QKI: variants seen among roughly 807,000 people sequenced by gnomAD.
QKI encodes the protein QKI, KH domain containing RNA binding.
Under a neutral mutation model 39.0 loss-of-function variants are expected in QKI, and 10 were observed. The ratio of observed to expected loss-of-function variants is 0.26; its 90% CI spans 0.16 to 0.43. QKI has a LOEUF of 0.43. QKI is among the 20% of genes least tolerant of loss of function. The pLI is 1.00. For missense variants in QKI, 218 were observed against 428.0 expected, an observed-to-expected ratio of 0.51 and a Z score of 4.33; for synonymous variants, 204 against 155.4, an observed-to-expected ratio of 1.31 and a Z score of -2.33.
chr6:163,560,875 A>G (rs1240364782), intron 4 of QKI, among the ~76,000 whole-genome samples: 1 of 152,230 alleles, frequency 6.6e-6, no homozygotes, highest in Non-Finnish European at 1.5e-5. Context: ...TGCCAAAAAC[A>G]ACTGGAACAG....
intron 1 of QKI, among the ~76,000 whole-genome samples, chr6:163,438,512 G>A (rs1789487618): frequency 6.6e-6 from 1 of 152,130 alleles, no homozygotes; most frequent in Non-Finnish European, 1.5e-5. Context: ...TCAGCTGTAT[G>A]GTATAGCCTT....
At chr6:163,526,778 T>G (rs1264761130) in intron 3 of QKI, among the ~76,000 whole-genome samples, 1 of 152,208 alleles carries the variant, frequency 6.6e-6, no homozygotes, top group East Asian at 1.9e-4. Context: ...TAAAAGCAGC[T>G]CATATCTAGA....
At chr6:163,515,878 A>G (rs1031769467) in intron 3 of QKI, among the ~76,000 whole-genome samples, 10 of 152,196 alleles carry the variant, frequency 6.6e-5, no homozygotes, top group African/African-American at 2.4e-4. Flanking sequence ...TATGTAATCA[A>G]AGCTTTTCAC....
rs909412745 is a variant in QKI at position 163,574,299 on chromosome 6, T to C, written c.*3589T>C. The C allele has an allele frequency of 1.3e-5, 2 of 152,194 alleles. No homozygotes were observed. Among genetic ancestry groups the C allele is most frequent in the African/African-American group, 4.8e-5 (2 of 41,452 alleles). The allele number at this position is 152,194 out of a possible 1,614,324, so 9.4% of individuals were successfully genotyped here. A position where few individuals can be genotyped will look rare whatever the true frequency, so the allele number is the denominator to read the frequency against. On this transcript the variant is annotated 3_prime_UTR_variant, in exon 8 of 8. Transcript: ENST00000361752. ...TTGTAAAGCAGAGAAACTGTTGATATTTTACCTTTATTTAGATTTTTGTTT... is the reference window on the plus strand; with the variant it reads ...TTGTAAAGCAGAGAAACTGTTGATACTTTACCTTTATTTAGATTTTTGTTT...
intron 3 of QKI, among the ~76,000 whole-genome samples, chr6:163,527,851 G>A (rs1478107397): frequency 6.6e-6 from 1 of 152,048 alleles, no homozygotes; most frequent in East Asian, 1.9e-4. Context: ...TTGGAAATAC[G>A]CATTGTATAT....
intron 2 of QKI, among the ~76,000 whole-genome samples, chr6:163,456,739 A>T (rs1468586583): frequency 2.0e-5 from 3 of 152,052 alleles, no homozygotes; most frequent in Non-Finnish European, 4.4e-5. Context: ...GGAAAAGAGG[A>T]GTTGGTTGGA....
Position 163,415,074 on chromosome 6 carries a change from C to T in QKI, c.-120C>T. On this transcript the variant is annotated 5_prime_UTR_variant, in exon 1 of 8. Coordinates refer to ENST00000361752, the MANE Select transcript of QKI (RefSeq NM_006775.3). ...TCGGCGCGGGAGCCAGAGCGGGAGC[C>T]GGCGCGGAGCGGGACGCCGGGTCCC... The T allele has an allele frequency of 1.1e-6, 1 of 940,476 alleles. No homozygotes were observed. The highest frequency in any genetic ancestry group is 1.3e-6 in the Non-Finnish European group (1 of 790,762). 58.3% of individuals were successfully genotyped at this position (940,476 alleles called of 1,614,324 possible).
At chr6:163,476,146 G>A (rs1239295880) in intron 2 of QKI, among the ~76,000 whole-genome samples, 1 of 151,992 alleles carries the variant, frequency 6.6e-6, no homozygotes, top group Non-Finnish European at 1.5e-5. Flanking sequence ...ACATACACTA[G>A]AATGGTTAAA....
intron 4 of QKI, among the ~76,000 whole-genome samples, chr6:163,546,842 C>G (rs894153502): frequency 6.6e-6 from 1 of 151,776 alleles, no homozygotes; most frequent in Non-Finnish European, 1.5e-5. Context: ...TCACAAGGCT[C>G]CTTTATGGGA....
At chr6:163,490,263 T>TA (rs1000668420) in intron 3 of QKI, among the ~76,000 whole-genome samples, 2 of 152,210 alleles carry the variant, frequency 1.3e-5, no homozygotes, top group Non-Finnish European at 1.5e-5. Flanking sequence ...AAATGACTGT[T>TA]AGTCAGTTTT....
intron 3 of QKI, among the ~76,000 whole-genome samples, chr6:163,508,189 G>A (rs918581976): frequency 3.3e-5 from 5 of 152,042 alleles, no homozygotes; most frequent in African/African-American, 1.2e-4. Context: ...CTTAGAAAAA[G>A]AGGGTAAATA....
chr6:163,491,356 C>T (rs1006240623), intron 3 of QKI, among the ~76,000 whole-genome samples: 5 of 152,194 alleles, frequency 3.3e-5, no homozygotes, highest in African/African-American at 1.2e-4. Context: ...GTAGGCTGCA[C>T]TTCCGGCCGC....
chr6:163,415,439 C>A, intron 1 of QKI, 104 bp downstream of exon 1: 1 of 1,186,780 alleles, frequency 8.4e-7, no homozygotes, highest in Non-Finnish European at 1.1e-6. Context: ...CCGGGCGGGA[C>A]CGAGCGCCGG....
At chr6:163,485,683 A>G (rs1315363359) in intron 3 of QKI, among the ~76,000 whole-genome samples, 2 of 152,122 alleles carry the variant, frequency 1.3e-5, no homozygotes, top group African/African-American at 4.8e-5. Flanking sequence ...GGTGAAATGT[A>G]TGCAGTTTAT....
chr6:163,427,208 A>AT (rs761914286), intron 1 of QKI, among the ~76,000 whole-genome samples: 1 of 118,384 alleles, frequency 8.4e-6, no homozygotes, highest in Non-Finnish European at 1.8e-5. Context: ...TTTCAATTCA[A>AT]TTTTTTAACG....
chr6:163,434,896 A>G (rs1789128985), intron 1 of QKI, among the ~76,000 whole-genome samples: 1 of 152,112 alleles, frequency 6.6e-6, no homozygotes, highest in African/African-American at 2.4e-5. Flanking sequence ...AGAAAGGTAA[A>G]GTCAGGTAGA....
intron 6 of QKI, 42 bp from the exon 7 acceptor site, chr6:163,566,679 G>A (rs1259683058): frequency 6.2e-7 from 1 of 1,607,686 alleles, no homozygotes; most frequent in African/African-American, 1.3e-5. Flanking sequence ...CCCCCCTTGT[G>A]AATGTTTTCT....
chr6:163,456,284 AT>A (rs1356852993), intron 2 of QKI, among the ~76,000 whole-genome samples: 1 of 151,798 alleles, frequency 6.6e-6, no homozygotes, highest in Non-Finnish European at 1.5e-5. Flanking sequence ...ATAATCGGGC[AT>A]TTTTCTGGTT....
intron 2 of QKI, among the ~76,000 whole-genome samples, chr6:163,478,037 A>G (rs917431494): frequency 2.0e-5 from 3 of 152,178 alleles, no homozygotes; most frequent in African/African-American, 7.2e-5. Flanking sequence ...AATGAGGAAA[A>G]TTTACTTTTC....
Sources: gnomAD v4.1 joint callset for allele counts (sites outside exome capture counted in the v4.1 genomes callset) on GRCh38, gnomAD v4.1.1 for gene constraint, MANE v1.5 for transcripts, NCBI Gene and HGNC (gene_info 2026-07-23, HGNC 2026-07-21) for gene names.